Variants in TTC8 observed in about 807,000 individuals in gnomAD.
TTC8 encodes the protein tetratricopeptide repeat domain 8, also known as tetratricopeptide repeat protein 8.
Under a neutral mutation model 72.5 loss-of-function variants are expected in TTC8, and 47 were observed. That is an observed-to-expected ratio of 0.65 (90% CI 0.51 to 0.83). TTC8 has a LOEUF of 0.83. Ranked by LOEUF, TTC8 falls within the 40% of genes least tolerant of loss-of-function variation. The pLI is 0.00. For synonymous variants in TTC8, 199 were observed against 221.4 expected, an observed-to-expected ratio of 0.90 and a Z score of 0.90; for missense variants, 611 against 623.2, an observed-to-expected ratio of 0.98 and a Z score of 0.21.
At chr14:88,831,086 T>C (rs948358573) in intron 1 of TTC8, 9 of 335,874 alleles carry the variant, frequency 2.7e-5, no homozygotes, top group Non-Finnish European at 5.4e-5. Context: ...CTGACCAAAA[T>C]AGGATCTAGT....
intron 2 of TTC8, among the ~76,000 whole-genome samples, chr14:88,834,618 A>T (rs1388232429): frequency 6.6e-6 from 1 of 152,182 alleles, no homozygotes; most frequent in Non-Finnish European, 1.5e-5. Flanking sequence ...AAAATGTGGC[A>T]CTGTGTTCTT....
At chr14:88,841,263 G>A in intron 5 of TTC8, 67 bp downstream of exon 5, 1 of 1,603,042 alleles carries the variant, frequency 6.2e-7, no homozygotes, top group Non-Finnish European at 8.5e-7. Flanking sequence ...TTTATATTAT[G>A]GTATATCATT....
At chr14:88,845,941 G>A (rs2094804199) in intron 7 of TTC8, among the ~76,000 whole-genome samples, 1 of 152,044 alleles carries the variant, frequency 6.6e-6, no homozygotes, top group South Asian at 2.1e-4. Flanking sequence ...AAAGAAGCAG[G>A]AAAGCAGATA....
rs547612569 is a variant in TTC8 at position 88,838,458 on chromosome 14, T to C, written c.145-994T>C. On this transcript the variant is annotated intron_variant, in intron 2 of 14. Transcript: ENST00000380656. ...GTCCCTTGGCCTTCACTGAGCCTGC[T>C]TGACAGCCATATATTCCTAGTATAC... Among the ~76,000 whole-genome samples, 25 of 152,278 alleles carry C rather than the reference T, an allele frequency of 1.6e-4. No individual in the cohort carries two copies. The South Asian group carries it at 5.2e-3, about 32-fold the overall frequency.
At chr14:88,859,359 C>G (rs2094872891) in intron 9 of TTC8, among the ~76,000 whole-genome samples, 1 of 152,042 alleles carries the variant, frequency 6.6e-6, no homozygotes, top group African/African-American at 2.4e-5. Context: ...AGAGCATGTC[C>G]TTTGCAGGAA....
At chr14:88,849,752 G>A (rs2094825147) in intron 7 of TTC8, among the ~76,000 whole-genome samples, 1 of 152,018 alleles carries the variant, frequency 6.6e-6, no homozygotes, top group Non-Finnish European at 1.5e-5. Flanking sequence ...GCCATGCAGT[G>A]GTATTTAAAT....
In TTC8 at chr14:88,853,127, G is replaced by A. The variant is rs572903408; in HGVS notation, c.710+71G>A. 3.6e-6 allele frequency: 4 copies of A among 1,100,974 alleles called. No individual in the cohort carries two copies. In the South Asian group the frequency reaches 3.8e-5, roughly 11 times the overall value. The allele number at this position is 1,100,974 out of a possible 1,614,324, so 68.2% of individuals were successfully genotyped here. On this transcript the variant is annotated intron_variant, in intron 8 of 14. Transcript: ENST00000380656. The stretch of plus-strand genomic sequence containing the variant: ...TAGGGTCTCAAATCTGATACTTTTT[G>A]AGGGGGGGGAGATTTTCCCATGAAG...
rs117098274 is a variant in TTC8 at position 88,826,353 on chromosome 14, T to C, written c.114+1532T>C. Reference sequence around the variant, plus strand: ...TTAAAAAAATACACAATCAAATATGTTTGGGACTTGTGACAAAATATTGAC... The same window carrying C: ...TTAAAAAAATACACAATCAAATATGCTTGGGACTTGTGACAAAATATTGAC... On this transcript the variant is annotated intron_variant, in intron 1 of 14. Transcript: ENST00000380656. Among the ~76,000 whole-genome samples the C allele has an allele frequency of 5.9e-3, 890 of 152,126 alleles. 4 individuals are homozygous for C. Among genetic ancestry groups the C allele is most frequent in the Non-Finnish European group, 8.9e-3 (604 of 67,982 alleles).
chr14:88,861,410 A>G (rs2094885360), intron 10 of TTC8, 78 bp downstream of exon 10: 1 of 1,016,478 alleles, frequency 9.8e-7, no homozygotes, highest in Admixed American at 1.9e-5. Context: ...TGATATTTTA[A>G]TTCCTGTATA....
intron 7 of TTC8, among the ~76,000 whole-genome samples, chr14:88,847,232 C>T (rs931154864): frequency 9.9e-5 from 15 of 152,106 alleles, no homozygotes; most frequent in African/African-American, 2.4e-4. Context: ...GGTTAATAGA[C>T]GGGTGTAATG....
intron 7 of TTC8, chr14:88,846,653 A>C (rs1189613229): frequency 8.2e-6 from 12 of 1,456,768 alleles, no homozygotes; most frequent in African/African-American, 1.4e-5. Flanking sequence ...TTATTGAGGA[A>C]TAAAAATCAC....
At chr14:88,851,739 A>G (rs1421074770) in intron 7 of TTC8, among the ~76,000 whole-genome samples, 1 of 151,958 alleles carries the variant, frequency 6.6e-6, no homozygotes. Context: ...ATATGAAAGT[A>G]CTGTGTGGCT....
chr14:88,829,129 G>T (rs1595925726), intron 1 of TTC8, among the ~76,000 whole-genome samples: 1 of 152,264 alleles, frequency 6.6e-6, no homozygotes, highest in Admixed American at 6.5e-5. Context: ...GCCAGCCGGG[G>T]TCTGTAAGCA....
chr14:88,852,909 A>G, intron 7 of TTC8, 62 bp from the exon 8 acceptor site: 1 of 1,381,148 alleles, frequency 7.2e-7, no homozygotes, highest in African/African-American at 1.4e-5. Flanking sequence ...TTCATTATTT[A>G]TTTTCCTGAC....
intron 8 of TTC8, among the ~76,000 whole-genome samples, chr14:88,855,899 G>A (rs1405157331): frequency 6.6e-6 from 1 of 152,140 alleles, no homozygotes; most frequent in Non-Finnish European, 1.5e-5. Flanking sequence ...TTGGCAACAA[G>A]GTGAGATCCT....
intron 9 of TTC8, among the ~76,000 whole-genome samples, chr14:88,860,130 A>T (rs986511013): frequency 2.0e-5 from 3 of 150,708 alleles, no homozygotes; most frequent in African/African-American, 7.3e-5. Flanking sequence ...TTATATTTTT[A>T]AAATATAGAA....
At position 88,871,430 on chromosome 14, in the gene TTC8, A is replaced by C; in HGVS notation, c.1050-119A>C. The C allele has an allele frequency of 1.1e-6, 1 of 880,988 alleles. No individual in the cohort carries two copies. Among genetic ancestry groups the C allele is most frequent in the Non-Finnish European group, 1.8e-6 (1 of 558,474 alleles). The allele number at this position is 880,988 out of a possible 1,614,324, so 54.6% of individuals were successfully genotyped here. ...TACTATAACACGTATTTATATTCTT[A>C]AGGAGTATCAAAAATCACAAGATGA... is the stretch of plus-strand genomic sequence containing the variant. On this transcript the variant is annotated intron_variant, in intron 11 of 14. Coordinates refer to ENST00000380656, the MANE Select transcript of TTC8 (RefSeq NM_144596.4). The surrounding 1 kb of genome is among the most constrained non-coding windows in gnomAD (Gnocchi z 4.1).
At chr14:88,828,745 G>T (rs917868305) in intron 1 of TTC8, among the ~76,000 whole-genome samples, 2 of 152,152 alleles carry the variant, frequency 1.3e-5, no homozygotes, top group Non-Finnish European at 2.9e-5. Context: ...GGTCCAGGGA[G>T]CTTCAAAAAG....
chr14:88,867,391 G>A (rs1008111038), intron 10 of TTC8, among the ~76,000 whole-genome samples: 1 of 152,156 alleles, frequency 6.6e-6, no homozygotes, highest in African/African-American at 2.4e-5. Flanking sequence ...GATATGGAAA[G>A]AGTCAAGACA....
Sources: allele counts gnomAD v4.1 joint callset (sites outside exome capture counted in the v4.1 genomes callset), GRCh38; gene constraint gnomAD v4.1.1; non-coding constraint Gnocchi (gnomAD v3.1); transcripts MANE v1.5; gene names NCBI Gene and HGNC (gene_info 2026-07-23, HGNC 2026-07-21).